Variants in SENP7 observed in about 807,000 individuals in gnomAD.
SENP7 encodes sentrin-specific protease 7.
In SENP7, 64 loss-of-function variants were observed where a neutral mutation model predicts 141.2. The observed-to-expected ratio is 0.45, with a 90% confidence interval of 0.37 to 0.56. The LOEUF (loss-of-function observed/expected upper bound fraction) is 0.56. SENP7 is among the 20% of genes least tolerant of loss of function. The probability of loss-of-function intolerance (pLI) is 0.00; values close to 1 mark genes in which losing one functional copy is unlikely to be tolerated. For synonymous variants in SENP7, 382 were observed against 426.4 expected (o/e 0.90, Z 1.28); for missense variants, 1,025 against 1,212.2 (o/e 0.85, Z 2.29).
At chr3:101,394,488 G>T (rs1273086409) in intron 6 of SENP7, among the ~76,000 whole-genome samples, 2 of 151,556 alleles carry the variant, frequency 1.3e-5, no homozygotes, top group African/African-American at 4.8e-5. Flanking sequence ...ATTGTACAGT[G>T]GTTCTATTTT....
chr3:101,382,783 A>C (rs971884987), intron 6 of SENP7, among the ~76,000 whole-genome samples: 1 of 152,184 alleles, frequency 6.6e-6, no homozygotes, highest in African/African-American at 2.4e-5. Context: ...ATTTGGGGTT[A>C]AAGAGGTCTT....
chr3:101,410,419 A>G (rs1181315537), intron 5 of SENP7, among the ~76,000 whole-genome samples: 1 of 152,184 alleles, frequency 6.6e-6, no homozygotes, highest in Non-Finnish European at 1.5e-5. Flanking sequence ...CAGCAATCCC[A>G]CTCCTGGATA....
In SENP7 at chr3:101,351,608, G is replaced by A; in HGVS notation, c.1657+10C>T. 2.2e-6 allele frequency: 3 copies of A among 1,347,860 alleles called. No homozygotes were observed. The highest frequency in any genetic ancestry group is 1.9e-5 in the South Asian group (1 of 53,124). 83.5% of individuals were successfully genotyped at this position (1,347,860 alleles called of 1,614,324 possible). ...TAAAAAGACAAGTTCATAAGAGAATGATAACTTACCTTGAAATGGGATCTT... is the reference window on the plus strand; with the variant it reads ...TAAAAAGACAAGTTCATAAGAGAATAATAACTTACCTTGAAATGGGATCTT... On this transcript the variant is annotated intron_variant, in intron 12 of 23. Coordinates refer to ENST00000394095, the MANE Select transcript of SENP7 (RefSeq NM_020654.5).
chr3:101,483,434 A>C (rs1176236958), intron 3 of SENP7, among the ~76,000 whole-genome samples: 1 of 152,140 alleles, frequency 6.6e-6, no homozygotes, highest in Non-Finnish European at 1.5e-5. Context: ...ATGGACATAA[A>C]GATGGCAAAA....
Position 101,417,682 on chromosome 3 carries a change from T to C in SENP7, c.393A>G (p.Gln131=), listed in dbSNP as rs545380291. The C allele has an allele frequency of 3.1e-6, 5 of 1,614,024 alleles. No individual in the cohort carries two copies. Among genetic ancestry groups the C allele is most frequent in the East Asian group, 2.2e-5 (1 of 44,860 alleles). ...DANLCDANKV[Q]SDSLPSTSVD... is the part of the protein sequence containing the mutation. ...CAGATGTCGAAGGCAATGAGTCTGATTGCACCTTGTTGGCATCACATAAAT... is the reference window on the plus strand; with the variant it reads ...CAGATGTCGAAGGCAATGAGTCTGACTGCACCTTGTTGGCATCACATAAAT... The change falls in exon 5 of 24, where the codon CAA becomes CAG. Residue 131 remains glutamine, a synonymous_variant. Transcript: ENST00000394095.
intron 1 of SENP7, among the ~76,000 whole-genome samples, chr3:101,509,135 T>C (rs1028456753): frequency 6.6e-6 from 1 of 152,054 alleles, no homozygotes; most frequent in South Asian, 2.1e-4. Flanking sequence ...ATATTCAATC[T>C]TTCCCTCTCC....
At chr3:101,449,138 G>C (rs2063016877) in intron 4 of SENP7, among the ~76,000 whole-genome samples, 1 of 152,162 alleles carries the variant, frequency 6.6e-6, no homozygotes, top group South Asian at 2.1e-4. Flanking sequence ...GATGGAACAT[G>C]AAATGAATGA....
chr3:101,433,343 GA>G (rs34051405), intron 4 of SENP7, among the ~76,000 whole-genome samples: 55,966 of 139,138 alleles, frequency 0.4, 11,257 homozygotes, highest in Admixed American at 0.53. Context: ...AAAAAAAAAG[GA>G]AAAAAAAAAA....
chr3:101,428,760 C>T (rs1340047032), intron 4 of SENP7, among the ~76,000 whole-genome samples: 1 of 152,152 alleles, frequency 6.6e-6, no homozygotes, highest in East Asian at 1.9e-4. Context: ...GTCATGAAAT[C>T]TTTGCCCATG....
At chr3:101,331,316 C>CA (rs918736706) in intron 19 of SENP7, among the ~76,000 whole-genome samples, 3 of 150,118 alleles carry the variant, frequency 2.0e-5, no homozygotes, top group Non-Finnish European at 3.0e-5. Flanking sequence ...CCTATCTTTA[C>CA]AAAAAAAAAT....
At chr3:101,413,815 T>TCC (rs1188163731) in intron 5 of SENP7, among the ~76,000 whole-genome samples, 2 of 151,782 alleles carry the variant, frequency 1.3e-5, no homozygotes, top group Admixed American at 1.3e-4. Flanking sequence ...TGAAAATAGT[T>TCC]CCCTAAACCT....
At chr3:101,388,586 G>T (rs572001984) in intron 6 of SENP7, among the ~76,000 whole-genome samples, 19 of 151,988 alleles carry the variant, frequency 1.3e-4, no homozygotes, top group Admixed American at 6.5e-4. Context: ...TAAGAAACAT[G>T]AAAAAGGAAA....
At chr3:101,457,654 C>T in intron 4 of SENP7, 1 of 1,500,572 alleles carries the variant, frequency 6.7e-7, no homozygotes, top group Non-Finnish European at 9.3e-7. Context: ...CTTCTACGAG[C>T]AGTTCCTTTC....
At chr3:101,410,738 G>A (rs1010215954) in intron 5 of SENP7, among the ~76,000 whole-genome samples, 1 of 151,902 alleles carries the variant, frequency 6.6e-6, no homozygotes, top group Non-Finnish European at 1.5e-5. Context: ...CCAGCTACTC[G>A]GGAGGCTGAG....
chr3:101,386,020 G>A (rs1011648856), intron 6 of SENP7, among the ~76,000 whole-genome samples: 2 of 152,166 alleles, frequency 1.3e-5, no homozygotes, highest in Non-Finnish European at 2.9e-5. Context: ...AAGAACGTCA[G>A]TGAACTACAA....
rs867957986 is a variant in SENP7, at chr3:101,404,939, G to C, written c.483-5884C>G. Reference sequence around the variant, plus strand: ...GACAGCCATCTACAAGCCAAAGAGAGAGGCCTGGCACAGGCGTTCTCTCAC... The same window carrying C: ...GACAGCCATCTACAAGCCAAAGAGACAGGCCTGGCACAGGCGTTCTCTCAC... On this transcript the variant is annotated intron_variant, in intron 5 of 23. Coordinates refer to ENST00000394095, the MANE Select transcript of SENP7 (RefSeq NM_020654.5). Among the ~76,000 whole-genome samples, 10 of 152,312 alleles carry C rather than the reference G, an allele frequency of 6.6e-5. No individual in the cohort carries two copies. The Middle Eastern group carries it at 0.01, about 155-fold the overall frequency.
At chr3:101,470,325 C>T (rs1240083007) in intron 3 of SENP7, among the ~76,000 whole-genome samples, 1 of 152,280 alleles carries the variant, frequency 6.6e-6, no homozygotes, top group Middle Eastern at 3.4e-3. Flanking sequence ...TCGGCTTCAT[C>T]CCTGGCATGC....
chr3:101,486,852 C>A (rs562040182), intron 3 of SENP7, among the ~76,000 whole-genome samples: 1 of 152,228 alleles, frequency 6.6e-6, no homozygotes, highest in East Asian at 1.9e-4. Flanking sequence ...ACTCACCAAC[C>A]ATCTGCTGCC....
intron 4 of SENP7, among the ~76,000 whole-genome samples, chr3:101,455,054 TA>T (rs1356679506): frequency 6.6e-6 from 1 of 151,558 alleles, no homozygotes; most frequent in Non-Finnish European, 1.5e-5. Context: ...TTACAATCTT[TA>T]AAGTAAGATC....
Sources: allele counts gnomAD v4.1 joint callset (sites outside exome capture counted in the v4.1 genomes callset), GRCh38; gene constraint gnomAD v4.1.1; transcripts MANE v1.5; gene names NCBI Gene and HGNC (gene_info 2026-07-23, HGNC 2026-07-21).